SPEG: variants seen among roughly 807,000 people sequenced by gnomAD.
SPEG encodes striated muscle preferentially expressed protein kinase.
Under a neutral mutation model 300.4 loss-of-function variants are expected in SPEG, and 114 were observed. That is an observed-to-expected ratio of 0.38 (90% CI 0.33 to 0.44). SPEG has a LOEUF of 0.44. SPEG is among the 20% of genes least tolerant of loss of function. The pLI is 1.00. For synonymous variants in SPEG, 1,964 were observed against 2,018.9 expected (o/e 0.97, Z 0.73); for missense variants, 4,201 against 4,586.2 (o/e 0.92, Z 2.43).
At chr2:219,469,593 G>A (rs993533141) in intron 13 of SPEG, among the ~76,000 whole-genome samples, 1 of 152,158 alleles carries the variant, frequency 6.6e-6, no homozygotes, top group Non-Finnish European at 1.5e-5. Context: ...CTCAGTGCCC[G>A]TTAGCACTGA....
Position 219,473,121 on chromosome 2 carries a change from TG to T in SPEG, c.4147+30del. 6.2e-7 allele frequency: 1 copy of T among 1,604,914 alleles called. No individual in the cohort carries two copies. The highest frequency in any genetic ancestry group is 8.5e-7 in the Non-Finnish European group (1 of 1,174,872). The stretch of plus-strand genomic sequence containing the variant: ...GGTGAGCCTGGGTGCTCCTGTCGGG[TG>T]GGGGTGGGAGCTGCTGGGATGGGGA... On this transcript the variant is annotated intron_variant, in intron 16 of 40. Coordinates refer to ENST00000312358, the MANE Select transcript of SPEG (RefSeq NM_005876.5). This position sits in a 1 kb window ranked among gnomAD's most constrained non-coding sequence, Gnocchi z 4.6.
In SPEG at chr2:219,489,923, C is replaced by T. The variant is rs1693808846; in HGVS notation, c.8905C>T (p.Leu2969=). 6.4e-7 allele frequency: 1 copy of T among 1,571,762 alleles called. No individual in the cohort carries two copies. The highest frequency in any genetic ancestry group is 8.7e-7 in the Non-Finnish European group (1 of 1,154,046). ...QGPPQKPYTF[L]EEKARGRFGV... The stretch of plus-strand genomic sequence containing the variant: ...TCCCCCTCAGAAACCCTACACCTTC[C>T]TGGAGGAGAAAGCCAGGCAAGCAGG... Residue 2969 remains leucine (L), a synonymous_variant, in exon 36 of 41, where the codon CTG becomes TTG. Transcript: ENST00000312358.
chr2:219,451,562 A>T lies in SPEG; in HGVS notation c.2258-63A>T. The T allele has an allele frequency of 7.1e-7, 1 of 1,411,468 alleles. No individual in the cohort carries two copies. The highest frequency in any genetic ancestry group is 9.4e-7 in the Non-Finnish European group (1 of 1,067,300). The allele number at this position is 1,411,468 out of a possible 1,614,324, so 87.4% of individuals were successfully genotyped here. ...TCTCCTGTGTGGTGTGTGGGGTAGG[A>T]GTAGAGATTCTCAGTGGGCGCCTGT... On this transcript the variant is annotated intron_variant, in intron 5 of 40. Coordinates refer to ENST00000312358, the MANE Select transcript of SPEG (RefSeq NM_005876.5). The surrounding 1 kb of genome is among the most constrained non-coding windows in gnomAD (Gnocchi z 6.4).
At chr2:219,482,939 G>C in intron 29 of SPEG, 87 bp downstream of exon 29, 3 of 1,450,352 alleles carry the variant, frequency 2.1e-6, no homozygotes, top group Non-Finnish European at 1.9e-6. Flanking sequence ...TTCATCTCCT[G>C]CTCCTGTCTT....
chr2:219,460,497 A>T, intron 6 of SPEG: 1 of 985,018 alleles, frequency 1.0e-6, no homozygotes, highest in South Asian at 4.7e-5. Flanking sequence ...GCGCAGTGCC[A>T]CCCCTCCCCT....
At chr2:219,475,888 G>C (rs889482295) in intron 18 of SPEG, among the ~76,000 whole-genome samples, 1 of 152,174 alleles carries the variant, frequency 6.6e-6, no homozygotes, top group African/African-American at 2.4e-5. Context: ...TCACTGCAGT[G>C]TCTTCCCCAC....
chr2:219,469,099 C>T, intron 12 of SPEG, 51 bp downstream of exon 12: 1 of 1,609,276 alleles, frequency 6.2e-7, no homozygotes, highest in Non-Finnish European at 8.5e-7. Flanking sequence ...GGGGCCAGCC[C>T]AGCCCTGGGG....
In SPEG at chr2:219,488,587, C is replaced by T. The variant is rs535655060; in HGVS notation, c.7948C>T (p.Arg2650Trp). The part of the protein sequence containing the change: ...QLLSIPRAGK[R>W]HAGLYECSAT... ...GCTCAGCATCCCCCGGGCGGGCAAGCGGCACGCCGGTCTCTATGAGTGCTC... is the reference window on the plus strand; with the variant it reads ...GCTCAGCATCCCCCGGGCGGGCAAGTGGCACGCCGGTCTCTATGAGTGCTC... The change falls in exon 33 of 41, where the codon CGG becomes TGG. Residue 2650 changes from arginine (R) to tryptophan (W), a missense_variant. Arg to Trp is a moderately radical substitution (Grantham distance 101, BLOSUM62 -3). This residue lies in a region of SPEG where 1,578 missense variants were observed against 1,506.0 expected (regional missense o/e 1.05). Transcript: ENST00000312358. 73 of 1,612,144 alleles carry T rather than the reference C, an allele frequency of 4.5e-5. No individual in the cohort carries two copies. The highest frequency in any genetic ancestry group is 5.6e-5 in the Non-Finnish European group (66 of 1,179,350).
Position 219,477,219 on chromosome 2 carries a change from T to G in SPEG, c.4561-58T>G, listed in dbSNP as rs1177436874. On this transcript the variant is annotated intron_variant, in intron 19 of 40. Transcript: ENST00000312358. The surrounding 1 kb of genome is among the most constrained non-coding windows in gnomAD (Gnocchi z 6.4). ...CTGCCCAGAGTAGGAGATGAGGCCC[T>G]GGCCCCAAGGTAGAGATGAGGCCAG... The G allele has an allele frequency of 2.2e-4, 102 of 463,932 alleles. No individual in the cohort carries two copies. Among genetic ancestry groups the G allele is most frequent in the Admixed American group, 2.5e-4 (4 of 15,992 alleles). 28.7% of individuals were successfully genotyped at this position (463,932 alleles called of 1,614,324 possible). A position where few individuals can be genotyped will look rare whatever the true frequency, so the allele number is the denominator to read the frequency against.
chr2:219,471,565 C>G, intron 13 of SPEG: 1 of 399,110 alleles, frequency 2.5e-6, no homozygotes, highest in Non-Finnish European at 4.6e-6. Flanking sequence ...AGGCAGGGAC[C>G]CCAGAGGGTG....
Position 219,443,154 on chromosome 2 carries a change from C to T in SPEG, c.389-1499C>T, listed in dbSNP as rs750061818. On this transcript the variant is annotated intron_variant, in intron 1 of 40. Coordinates refer to ENST00000312358, the MANE Select transcript of SPEG (RefSeq NM_005876.5). This position sits in a 1 kb window ranked among gnomAD's most constrained non-coding sequence, Gnocchi z 4.6. ...GCCTTTGGCCGACTCACCCATGGTG[C>T]GTGGACCGTGGGCGTCCTTGCTCTA... 4.7e-5 allele frequency: 75 copies of T among 1,612,544 alleles called. No homozygotes were observed. Among genetic ancestry groups the T allele is most frequent in the Non-Finnish European group, 5.8e-5 (69 of 1,179,718 alleles).
At chr2:219,488,424 G>A in intron 32 of SPEG, 74 bp from the exon 33 acceptor site, 1 of 1,509,314 alleles carries the variant, frequency 6.6e-7, no homozygotes, top group Non-Finnish European at 9.0e-7. Context: ...GGATGCTGGA[G>A]TGGGGAGTGA....
chr2:219,484,070 C>G lies in SPEG; in HGVS notation c.6607C>G (p.Pro2203Ala), dbSNP rs375706128. Residue 2203 changes from proline to alanine, a missense_variant, in exon 30 of 41, where the codon CCG (proline) becomes GCG (alanine). Physicochemically the swap from Pro to Ala is conservative, Grantham distance 27. This residue lies in a region of SPEG where 1,578 missense variants were observed against 1,506.0 expected (regional missense o/e 1.05). Transcript: ENST00000312358. Reference sequence around the variant, plus strand: ...TTCTGCCACCACACCTAGTGATGCTCCGCAGCCCCCCGCACCCCAGCCTGC... The same window carrying G: ...TTCTGCCACCACACCTAGTGATGCTGCGCAGCCCCCCGCACCCCAGCCTGC... ...EPSATTPSDA[P>A]QPPAPQPAQD... 15 of 1,613,618 alleles carry G rather than the reference C, an allele frequency of 9.3e-6. No individual in the cohort carries two copies. In the African/African-American group the frequency reaches 1.7e-4, roughly 19 times the overall value.
chr2:219,479,123 TCTC>T lies in SPEG; in HGVS notation c.5028-18_5028-16del, dbSNP rs1692601351. The T allele has an allele frequency of 6.2e-7, 1 of 1,612,290 alleles. No individual in the cohort carries two copies. The highest frequency in any genetic ancestry group is 1.3e-5 in the African/African-American group (1 of 74,902). ...CCGGGCAGTTGGCACTGGGCACTGT[TCTC>T]CTTGATCTGGGATGTAGCTGCACAG... On this transcript the variant is annotated intron_variant, in intron 22 of 40. Transcript: ENST00000312358. This position sits in a 1 kb window ranked among gnomAD's most constrained non-coding sequence, Gnocchi z 5.5.
In SPEG at chr2:219,471,861, C is replaced by T. The variant is rs955121939; in HGVS notation, c.3716-7C>T. 1 of 1,613,978 alleles carries T rather than the reference C, an allele frequency of 6.2e-7. No individual in the cohort carries two copies. Among genetic ancestry groups the T allele is most frequent in the East Asian group, 2.2e-5 (1 of 44,880 alleles). ...CAGGCCCAGTGTCACTGTCCCTCCC[C>T]TCCCAGACAGGGATGTCCATCGCTT... On this transcript the variant is annotated splice_polypyrimidine_tract_variant and splice_region_variant and intron_variant, in intron 13 of 40. Transcript: ENST00000312358.
In SPEG at chr2:219,464,405, T is replaced by C. The variant is rs764483242; in HGVS notation, c.2706-28T>C. On this transcript the variant is annotated intron_variant, in intron 8 of 40. Transcript: ENST00000312358. This position sits in a 1 kb window ranked among gnomAD's most constrained non-coding sequence, Gnocchi z 4.5. ...GCACGCACATCAGGCCCCTGGGCCC[T>C]GGGACTGAGTTCTTGCCCCTCTGAC... The C allele has an allele frequency of 1.3e-5, 21 of 1,596,712 alleles. No individual in the cohort carries two copies. In the South Asian group the frequency reaches 2.0e-4, roughly 15 times the overall value.
Position 219,448,295 on chromosome 2 carries a change from G to A in SPEG, c.1137G>A (p.Glu379=), listed in dbSNP as rs745940837. 6.2e-7 allele frequency: 1 copy of A among 1,609,172 alleles called. No homozygotes were observed. The highest frequency in any genetic ancestry group is 2.2e-5 in the East Asian group (1 of 44,792). ...AESRPQTPLS[E]ASGRLSALGR... ...CCCGACCCCAGACGCCACTGAGCGA[G>A]GCCTCAGGCCGCCTGTCGGCGTTGG... Residue 379 remains glutamate (E), a synonymous_variant, in exon 4 of 41, where the codon GAG becomes GAA. Transcript: ENST00000312358.
In SPEG at chr2:219,485,408, T is replaced by A. The variant is rs370944996; in HGVS notation, c.7672T>A (p.Leu2558Ile). ...GFSRPRKDKG[L>I]SPPNLSASVQ... ...CTCTCGGCCGCGGAAGGACAAGGGG[T>A]TATCGCCACCAAACCTCTCTGCCAG... Residue 2558 changes from leucine (L) to isoleucine (I), a missense_variant, in exon 31 of 41, where the codon TTA (leucine) becomes ATA (isoleucine). Leu to Ile is a conservative substitution (Grantham distance 5, BLOSUM62 2). Around this residue, in one of 4 missense-constraint regions of SPEG, gnomAD observed 1,578 missense variants for 1,506.0 expected, o/e 1.05. Transcript: ENST00000312358. 23 of 1,606,572 alleles carry A rather than the reference T, an allele frequency of 1.4e-5. No homozygotes were observed. The African/African-American group carries it at 3.0e-4, about 21-fold the overall frequency.
Position 219,445,767 on chromosome 2 carries a change from AG to A in SPEG, c.815+610del, listed in dbSNP as rs544065841. The A allele has an allele frequency of 1.9e-3, 207 of 107,180 alleles. No individual in the cohort carries two copies. Among genetic ancestry groups the A allele is most frequent in the Admixed American group, 5.6e-3 (62 of 11,166 alleles). 6.6% of individuals were successfully genotyped at this position (107,180 alleles called of 1,614,324 possible). A position where few individuals can be genotyped will look rare whatever the true frequency, so the allele number is the denominator to read the frequency against. On this transcript the variant is annotated intron_variant, in intron 3 of 40. Transcript: ENST00000312358. This position sits in a 1 kb window ranked among gnomAD's most constrained non-coding sequence, Gnocchi z 6.1. The stretch of plus-strand genomic sequence containing the variant: ...GGGGTGGCAGGGGGCTGGGAAAGGG[AG>A]GGGCTGGAAATGGGGCCAGGCCAGA...
Sources: gnomAD v4.1 joint callset for allele counts (sites outside exome capture counted in the v4.1 genomes callset) on GRCh38, gnomAD v4.1.1 for gene constraint, gnomAD v4.1.1 regional missense constraint, Gnocchi (gnomAD v3.1) non-coding constraint, MANE v1.5 for transcripts, NCBI Gene and HGNC (gene_info 2026-07-23, HGNC 2026-07-21) for gene names.